Variants in INKA2 observed in about 807,000 individuals in gnomAD.
INKA2 encodes the protein inka box actin regulator 2.
Under a neutral mutation model 9.8 loss-of-function variants are expected in INKA2, and 3 were observed. The ratio of observed to expected loss-of-function variants is 0.31; its 90% CI spans 0.14 to 0.79. The LOEUF (loss-of-function observed/expected upper bound fraction) is 0.79. Among genes scored for constraint, INKA2 ranks in the 30% least tolerant of loss-of-function variants. INKA2 has a pLI of 0.62. For synonymous variants in INKA2, 147 were observed against 143.3 expected (o/e 1.03, Z -0.18); for missense variants, 392 against 384.4 (o/e 1.02, Z -0.17).
At chr1:111,742,796 C>T (rs1283789644), upstream of INKA2, among the ~76,000 whole-genome samples, 1 of 152,252 alleles carries the variant, frequency 6.6e-6, no homozygotes, top group Non-Finnish European at 1.5e-5. Context: ...GAGGTGGTAT[C>T]ACTGTGTGGT....
At chr1:111,727,949 G>A in intron 1 of INKA2, 145 bp from the exon 2 acceptor site, 1 of 762,436 alleles carries the variant, frequency 1.3e-6, no homozygotes, top group Non-Finnish European at 2.2e-6. Context: ...ATAGCCTAGT[G>A]CAGTGCAGAT....
chr1:111,726,644 T>G lies in INKA2; in HGVS notation c.*324A>C, dbSNP rs1571588853. 3.0e-6 allele frequency: 1 copy of G among 336,438 alleles called. No homozygotes were observed. Among genetic ancestry groups the G allele is most frequent in the South Asian group, 4.4e-5 (1 of 22,952 alleles). 20.8% of individuals were successfully genotyped at this position (336,438 alleles called of 1,614,324 possible). On this transcript the variant is annotated 3_prime_UTR_variant, in exon 2 of 2. Transcript: ENST00000357260. ...TCAGAGGGATTTTCTGATCTCCTCC[T>G]CTGCCCTCACCTACTGTCACCTCCA...
rs1418013852 is a variant in INKA2, at chr1:111,725,912, T to G, written c.*1056A>C. 2.7e-6 allele frequency: 1 copy of G among 365,764 alleles called. No homozygotes were observed. The highest frequency in any genetic ancestry group is 4.9e-6 in the Non-Finnish European group (1 of 205,630). 22.7% of individuals were successfully genotyped at this position (365,764 alleles called of 1,614,324 possible). A position where few individuals can be genotyped will look rare whatever the true frequency, so the allele number is the denominator to read the frequency against. ...CACGCCTGGCTAATTTTTACGTATT[T>G]TTTTAGTAGAGACGGGGTTTCACCA... On this transcript the variant is annotated 3_prime_UTR_variant, in exon 2 of 2. Coordinates refer to ENST00000357260, the MANE Select transcript of INKA2 (RefSeq NM_019099.5).
rs1215238158 is a variant in INKA2, at chr1:111,727,646, G to A, written c.216C>T (p.Thr72=). ...CCTCCCAACAAGGGTGCTCGCACTG[G>A]GTCCTGGGACCTTCAGGGCTGCCTG... ...PVPGSPEGPR[T]QCEHPCWEGG... is the part of the protein sequence containing the mutation. The change falls in exon 2 of 2, where the codon ACC becomes ACT. Residue 72 remains threonine, a synonymous_variant. Transcript: ENST00000357260. 6.2e-7 allele frequency: 1 copy of A among 1,608,944 alleles called. No individual in the cohort carries two copies. Among genetic ancestry groups the A allele is most frequent in the Non-Finnish European group, 8.5e-7 (1 of 1,177,122 alleles).
rs956436056 is a variant in INKA2 at position 111,739,340 on chromosome 1, C to T, written c.-98G>A. 1.3e-6 allele frequency: 2 copies of T among 1,570,038 alleles called. No individual in the cohort carries two copies. Among genetic ancestry groups the T allele is most frequent in the Non-Finnish European group, 1.7e-6 (2 of 1,158,268 alleles). ...CCGGGCCGGCTCCCCGCCCCTGCGCCCGTAGCGCTCGCAGCGCGGAGCTGA... is the reference window on the plus strand; with the variant it reads ...CCGGGCCGGCTCCCCGCCCCTGCGCTCGTAGCGCTCGCAGCGCGGAGCTGA... On this transcript the variant is annotated 5_prime_UTR_variant, in exon 1 of 2. Transcript: ENST00000357260.
In INKA2 at chr1:111,727,073, T is replaced by TGGGAAG. The variant is rs766632295; in HGVS notation, c.783_788dup (p.Phe262_Pro263dup). The TGGGAAG allele has an allele frequency of 6.2e-7, 1 of 1,614,088 alleles. No homozygotes were observed. Among genetic ancestry groups the TGGGAAG allele is most frequent in the Non-Finnish European group, 8.5e-7 (1 of 1,180,034 alleles). The stretch of plus-strand genomic sequence containing the variant: ...CCCCTCGCCTGTGCTCCCCGGTGCC[T>TGGGAAG]GGGAAGGGGAAATGTCCAGAGCCCT... On this transcript the variant is annotated inframe_insertion, in exon 2 of 2. Coordinates refer to ENST00000357260, the MANE Select transcript of INKA2 (RefSeq NM_019099.5).
chr1:111,755,758 G>T (rs1663528798), exon 1 of INKA2: 4 of 1,613,584 alleles, frequency 2.5e-6, no homozygotes, highest in Non-Finnish European at 3.4e-6. Flanking sequence ...CACATTTTTT[G>T]TGTGTCTGGG....
rs918739475 is a variant in INKA2 at position 111,726,747 on chromosome 1, A to C, written c.*221T>G. On this transcript the variant is annotated 3_prime_UTR_variant, in exon 2 of 2. Transcript: ENST00000357260. ...CACACACACGCACAGCTCACTCTCC[A>C]GCTACTCTTACCTCCTCCACCAGCT... 10 of 594,382 alleles carry C rather than the reference A, an allele frequency of 1.7e-5. No individual in the cohort carries two copies. The highest frequency in any genetic ancestry group is 1.8e-5 in the Non-Finnish European group (6 of 333,614). 36.8% of individuals were successfully genotyped at this position (594,382 alleles called of 1,614,324 possible).
At position 111,749,445 on chromosome 1, in the gene INKA2, T is replaced by TGCGC. The variant is rs71708729; in HGVS notation, n.124+6252_124+6255dup. Among the ~76,000 whole-genome samples the TGCGC allele has an allele frequency of 2.7e-4, 31 of 113,962 alleles. No individual in the cohort carries two copies. The South Asian group carries it at 5.7e-3, about 21-fold the overall frequency. The allele number at this position is 113,962 out of a possible 152,430, so 74.8% of individuals were successfully genotyped here. A position where few individuals can be genotyped will look rare whatever the true frequency, so the allele number is the denominator to read the frequency against. ...GGGTGTGTGTGTGTGTGTGTGTGTG[T>TGCGC]GCGCGCGCGCGCGTGCTAGGGAGCC... On this transcript the variant is annotated intron_variant and non_coding_transcript_variant, in intron 1 of 1. Transcript: ENST00000444059.
intron 1 of INKA2, chr1:111,745,946 C>T (rs887908979): frequency 6.6e-6 from 1 of 152,266 alleles, no homozygotes; most frequent in Non-Finnish European, 1.5e-5. Flanking sequence ...AAGCCACCTG[C>T]TTCTCCTCCT....
intron 1 of INKA2, chr1:111,745,293 A>ATATATATTT (rs1358304932): frequency 8.1e-5 from 4 of 49,270 alleles, no homozygotes; most frequent in African/African-American, 2.1e-4. Context: ...ATATATATAT[A>ATATATATTT]TTTTTTTTTT....
intron 1 of INKA2, chr1:111,754,097 C>A (rs543047316): frequency 1.3e-5 from 2 of 152,240 alleles, no homozygotes; most frequent in Admixed American, 6.5e-5. Flanking sequence ...GCAGATTCTA[C>A]GGAGACTGAA....
At chr1:111,739,510 C>G, upstream of INKA2, 1 of 1,185,204 alleles carries the variant, frequency 8.4e-7, no homozygotes, top group African/African-American at 1.6e-5. Flanking sequence ...GGCCGGGAGG[C>G]CGGGCTGGGC....
Position 111,723,233 on chromosome 1 carries a change from G to A in INKA2, c.*3735C>T, listed in dbSNP as rs1278484946. On this transcript the variant is annotated 3_prime_UTR_variant, in exon 2 of 2. Coordinates refer to ENST00000357260, the MANE Select transcript of INKA2 (RefSeq NM_019099.5). Reference sequence around the variant, plus strand: ...GGTGTGACTTGGGAAAGATGGAGGAGCCTCTCCCCAACAAGGCCCTAGGGA... The same window carrying A: ...GGTGTGACTTGGGAAAGATGGAGGAACCTCTCCCCAACAAGGCCCTAGGGA... 3.3e-6 allele frequency: 2 copies of A among 599,354 alleles called. No homozygotes were observed. The highest frequency in any genetic ancestry group is 5.9e-6 in the Non-Finnish European group (2 of 336,248). 37.1% of individuals were successfully genotyped at this position (599,354 alleles called of 1,614,324 possible).
chr1:111,752,067 T>G (rs952134675), intron 1 of INKA2, among the ~76,000 whole-genome samples: 2 of 152,142 alleles, frequency 1.3e-5, no homozygotes, highest in Non-Finnish European at 2.9e-5. Context: ...ACCATTACCA[T>G]TTCTACTTTC....
Position 111,724,289 on chromosome 1 carries a change from C to G in INKA2, c.*2679G>C, listed in dbSNP as rs1424603198. On this transcript the variant is annotated 3_prime_UTR_variant, in exon 2 of 2. Coordinates refer to ENST00000357260, the MANE Select transcript of INKA2 (RefSeq NM_019099.5). ...CAGGAGTTGGGTCCTTCTCATTGCTCTGTTCTTAGTTTCTATAACAACACC... is the reference window on the plus strand; with the variant it reads ...CAGGAGTTGGGTCCTTCTCATTGCTGTGTTCTTAGTTTCTATAACAACACC... 2.6e-5 allele frequency: 4 copies of G among 152,212 alleles called. No homozygotes were observed. Among genetic ancestry groups the G allele is most frequent in the Non-Finnish European group, 5.9e-5 (4 of 68,046 alleles). The allele number at this position is 152,212 out of a possible 1,614,324, so 9.4% of individuals were successfully genotyped here. A position where few individuals can be genotyped will look rare whatever the true frequency, so the allele number is the denominator to read the frequency against.
upstream of INKA2, among the ~76,000 whole-genome samples, chr1:111,740,265 C>G (rs1663114037): frequency 2.0e-5 from 3 of 152,252 alleles, no homozygotes; most frequent in South Asian, 2.1e-4. Flanking sequence ...TTTGGCGAAG[C>G]GCTCTAAGGC....
At chr1:111,745,883 G>A (rs1663264748) in intron 1 of INKA2, 1 of 152,174 alleles carries the variant, frequency 6.6e-6, no homozygotes, top group South Asian at 2.1e-4. Flanking sequence ...TGTAAGCAAG[G>A]ACCAGTGGTT....
rs1415232581 is a variant in INKA2, at chr1:111,722,505, G to C, written c.*4463C>G. 6.6e-6 allele frequency: 1 copy of C among 152,514 alleles called. No homozygotes were observed. Among genetic ancestry groups the C allele is most frequent in the Non-Finnish European group, 1.5e-5 (1 of 68,206 alleles). 9.4% of individuals were successfully genotyped at this position (152,514 alleles called of 1,614,324 possible). A position where few individuals can be genotyped will look rare whatever the true frequency, so the allele number is the denominator to read the frequency against. On this transcript the variant is annotated 3_prime_UTR_variant, in exon 2 of 2. Transcript: ENST00000357260. ...TGAGGTCCTTAAGGGTTGACTGTGA[G>C]GGGCAGCTAGGGTGTAGGGAGTGGG...
Sources: allele counts gnomAD v4.1 joint callset (sites outside exome capture counted in the v4.1 genomes callset), GRCh38; gene constraint gnomAD v4.1.1; transcripts MANE v1.5; gene names NCBI Gene and HGNC (gene_info 2026-07-23, HGNC 2026-07-21).